DRC4: variants seen among roughly 807,000 people sequenced by gnomAD.
The protein encoded by DRC4 is GAS-11.
At chr16:90,022,762 G>A in the DRC4 span, 2 of 1,348,512 alleles carry the variant, frequency 1.5e-6, no homozygotes, top group Admixed American at 3.2e-5. Context: ...GTCCTCGGCA[G>A]GGGCCCGGAG....
At chr16:90,032,725 A>T in the DRC4 span, 6 of 1,613,730 alleles carry the variant, frequency 3.7e-6, no homozygotes, top group African/African-American at 8.0e-5. Context: ...CAGGTGTACA[A>T]GCAGAAAGTG....
At chr16:90,043,201 T>C in the DRC4 span, 1 of 1,611,536 alleles carries the variant, frequency 6.2e-7, no homozygotes, top group South Asian at 1.1e-5. Context: ...CACAGGCCCA[T>C]AACGACCTGC....
chr16:90,040,406 C>T, the DRC4 span: 312 of 1,612,232 alleles, frequency 1.9e-4, 2 homozygotes, highest in East Asian at 6.8e-3. Flanking sequence ...AAGCTGCAGG[C>T]TCTGAGCGCC....
the DRC4 span, chr16:90,042,313 AC>A: frequency 5.8e-6 from 4 of 683,904 alleles, no homozygotes; most frequent in African/African-American, 5.3e-5. Flanking sequence ...ACCCTTGGAG[AC>A]CTTTTTCTGC....
At chr16:90,029,162 C>T in the DRC4 span, 4 of 1,352,572 alleles carry the variant, frequency 3.0e-6, no homozygotes, top group Admixed American at 4.0e-5. Context: ...ACGGGGCAGG[C>T]TACGGGGCAG....
chr16:90,024,167 C>A, the DRC4 span, among the ~76,000 whole-genome samples: 1 of 144,508 alleles, frequency 6.9e-6, no homozygotes, highest in Non-Finnish European at 1.5e-5. Flanking sequence ...CAAAATTAGC[C>A]GGGTGTGGTG....
At chr16:90,021,113 A>G in the DRC4 span, among the ~76,000 whole-genome samples, 4 of 152,236 alleles carry the variant, frequency 2.6e-5, no homozygotes, top group African/African-American at 9.6e-5. Context: ...GCTTTGTGCA[A>G]GCTGAGCCAA....
At chr16:90,036,593 T>C in the DRC4 span, 4 of 1,563,918 alleles carry the variant, frequency 2.6e-6, no homozygotes, top group Admixed American at 5.8e-5. Flanking sequence ...CAAGGTGCTG[T>C]GCGTGGGCTG....
chr16:90,027,720 C>T, the DRC4 span: 1 of 1,614,066 alleles, frequency 6.2e-7, no homozygotes, highest in Non-Finnish European at 8.5e-7. Context: ...GAGCAAGGAG[C>T]AGGTGAGCAG....
the DRC4 span, chr16:90,027,997 C>T: frequency 1.2e-4 from 50 of 430,270 alleles, no homozygotes; most frequent in South Asian, 1.5e-3. Context: ...TTTTTAATTT[C>T]GTGTATTCTC....
the DRC4 span, among the ~76,000 whole-genome samples, chr16:90,022,927 C>CT: frequency 1.3e-5 from 2 of 152,066 alleles, no homozygotes; most frequent in East Asian, 3.9e-4. Context: ...GCACTCGGGA[C>CT]TGAGACCTGG....
the DRC4 span, chr16:90,043,530 T>A: frequency 1.6e-6 from 1 of 638,746 alleles, no homozygotes; most frequent in Non-Finnish European, 2.7e-6. Context: ...CCCTCACCCA[T>A]GGTGTCCCTG....
the DRC4 span, among the ~76,000 whole-genome samples, chr16:90,021,874 A>AAAAAAAAAAAAG: frequency 5.6e-4 from 71 of 127,244 alleles, 4 homozygotes; most frequent in South Asian, 8.0e-4. Flanking sequence ...AAAAAAAAAA[A>AAAAAAAAAAAAG]AAGCACCTGT....
the DRC4 span, chr16:90,019,976 C>T: frequency 1.7e-5 from 12 of 697,202 alleles, no homozygotes; most frequent in Non-Finnish European, 3.1e-5. This position sits in a 1 kb window ranked among gnomAD's most constrained non-coding sequence, Gnocchi z 6.1. Flanking sequence ...GAGAGGGCGG[C>T]GGGCCCGGGC....
At chr16:90,030,417 G>A in the DRC4 span, among the ~76,000 whole-genome samples, 9 of 151,874 alleles carry the variant, frequency 5.9e-5, no homozygotes, top group East Asian at 3.9e-4. Flanking sequence ...CACGGCTCAC[G>A]GCAGCCTTGA....
At chr16:90,036,919 G>A in the DRC4 span, 1 of 554,198 alleles carries the variant, frequency 1.8e-6, no homozygotes, top group Non-Finnish European at 3.2e-6. Context: ...CACTGCCTGC[G>A]ACAGGTGGAT....
At chr16:90,043,207 C>T in the DRC4 span, 1 of 1,612,342 alleles carries the variant, frequency 6.2e-7, no homozygotes, top group Non-Finnish European at 8.5e-7. Context: ...CCCATAACGA[C>T]CTGCTGCGCA....
chr16:90,037,673 T>G, the DRC4 span: 1 of 1,282,232 alleles, frequency 7.8e-7, no homozygotes, highest in Non-Finnish European at 1.1e-6. Flanking sequence ...CGATTATTTT[T>G]GGCCTTGCCA....
At chr16:90,027,565 G>A in the DRC4 span, 1 of 1,493,564 alleles carries the variant, frequency 6.7e-7, no homozygotes. Flanking sequence ...AAATGTTCCT[G>A]GGAGCAAATC....
Sources: allele counts gnomAD v4.1 joint callset (sites outside exome capture counted in the v4.1 genomes callset), GRCh38; gene constraint gnomAD v4.1.1; non-coding constraint Gnocchi (gnomAD v3.1); transcripts MANE v1.5; gene names NCBI Gene and HGNC (gene_info 2026-07-23, HGNC 2026-07-21).